Variants in TLK1 observed in about 807,000 individuals in gnomAD.
TLK1 encodes the protein serine/threonine-protein kinase tousled-like 1.
A neutral mutation model predicts 105.3 loss-of-function variants in TLK1; 24 were observed. The ratio of observed to expected loss-of-function variants is 0.23; its 90% CI spans 0.17 to 0.32. The LOEUF is 0.32. Among genes scored for constraint, TLK1 ranks in the 10% least tolerant of loss-of-function variants. TLK1 has a pLI of 1.00. For missense variants in TLK1, 558 were observed against 910.5 expected, an observed-to-expected ratio of 0.61 and a Z score of 4.98; for synonymous variants, 321 against 310.4, an observed-to-expected ratio of 1.03 and a Z score of -0.36.
At chr2:171,020,239 C>T (rs1685426202) in intron 12 of TLK1, among the ~76,000 whole-genome samples, 1 of 151,422 alleles carries the variant, frequency 6.6e-6, no homozygotes, top group Admixed American at 6.6e-5. Flanking sequence ...CAACAAAAGG[C>T]ACTATTAAAA....
At chr2:171,044,521 G>A (rs1321849520) in intron 11 of TLK1, among the ~76,000 whole-genome samples, 1 of 152,182 alleles carries the variant, frequency 6.6e-6, no homozygotes, top group Non-Finnish European at 1.5e-5. Flanking sequence ...AACTAAGCAG[G>A]ATGTGATATT....
At chr2:171,200,288 A>G (rs1575656534) in intron 1 of TLK1, among the ~76,000 whole-genome samples, 1 of 151,488 alleles carries the variant, frequency 6.6e-6, no homozygotes, top group African/African-American at 2.4e-5. Flanking sequence ...TGTTTTTTCT[A>G]CCCCCCCATC....
At chr2:171,180,221 T>TA (rs908785841) in intron 1 of TLK1, among the ~76,000 whole-genome samples, 171 of 145,226 alleles carry the variant, frequency 1.2e-3, no homozygotes, top group African/African-American at 3.4e-3. Context: ...AGACTTTGTC[T>TA]AAAAAAAAAA....
chr2:170,993,693 A>T lies in TLK1; in HGVS notation c.*87T>A. ...TAAAAAAAAAAAAAAAAAAAAAAGA[A>T]AAAGAAAACAAACACTCAAATGCTC... On this transcript the variant is annotated 3_prime_UTR_variant, in exon 21 of 21. Transcript: ENST00000431350. 6.6e-6 allele frequency: 7 copies of T among 1,057,326 alleles called. No homozygotes were observed. The highest frequency in any genetic ancestry group is 8.9e-6 in the Non-Finnish European group (7 of 785,560). The allele number at this position is 1,057,326 out of a possible 1,614,324, so 65.5% of individuals were successfully genotyped here. A position where few individuals can be genotyped will look rare whatever the true frequency, so the allele number is the denominator to read the frequency against.
chr2:170,993,892 T>C lies in TLK1; in HGVS notation c.2189A>G (p.Asn730Ser), dbSNP rs1045318. 3 of 1,612,682 alleles carry C rather than the reference T, an allele frequency of 1.9e-6. No homozygotes were observed. Among genetic ancestry groups the C allele is most frequent in the South Asian group, 1.1e-5 (1 of 90,812 alleles). ...EDRFDVHQLA[N>S]DPYLLPHMRR... is the part of the protein sequence containing the mutation. The stretch of plus-strand genomic sequence containing the variant: ...CATGTGTGGGAGAAGGTATGGGTCA[T>C]TTGCCAGCTGGTGCACATCAAATCG... The change falls in exon 21 of 21, where the codon AAT (asparagine) becomes AGT (serine). Residue 730 changes from asparagine to serine, a missense_variant. Coordinates refer to ENST00000431350, the MANE Select transcript of TLK1 (RefSeq NM_012290.5).
In TLK1 at chr2:171,203,512, T is replaced by C. The variant is rs749497423; in HGVS notation, c.-6+27633A>G. On this transcript the variant is annotated intron_variant, in intron 1 of 20. Transcript: ENST00000521943. ...TCAGATTCATCCGCATTGTAGAATATGTCAAAATTTCCTTCCTTTTTAAGG... is the reference window on the plus strand; with the variant it reads ...TCAGATTCATCCGCATTGTAGAATACGTCAAAATTTCCTTCCTTTTTAAGG... Among the ~76,000 whole-genome samples the C allele has an allele frequency of 3.7e-4, 56 of 152,252 alleles. 1 individual carries two copies. Among genetic ancestry groups the C allele is most frequent in the Non-Finnish European group, 7.3e-5 (5 of 68,042 alleles).
chr2:171,227,504 C>G (rs75595991), intron 1 of TLK1, among the ~76,000 whole-genome samples: 3,150 of 142,102 alleles, frequency 0.022, 112 homozygotes, highest in African/African-American at 0.077. Flanking sequence ...TCCAAATAAT[C>G]TGGGAGTCAC....
intron 11 of TLK1, among the ~76,000 whole-genome samples, chr2:171,034,909 C>G (rs1316079493): frequency 6.6e-6 from 1 of 152,032 alleles, no homozygotes; most frequent in African/African-American, 2.4e-5. Flanking sequence ...TTGGCTGTGT[C>G]CCCACCCAAA....
intron 2 of TLK1, among the ~76,000 whole-genome samples, chr2:171,116,436 C>T (rs1017623907): frequency 6.6e-6 from 1 of 152,162 alleles, no homozygotes; most frequent in Non-Finnish European, 1.5e-5. Context: ...CGTGGTGGCT[C>T]ACGCCTGTAA....
intron 1 of TLK1, among the ~76,000 whole-genome samples, chr2:171,158,831 T>C (rs941068879): frequency 3.3e-5 from 5 of 152,212 alleles, no homozygotes; most frequent in Non-Finnish European, 5.9e-5. Context: ...ATTTAATAAA[T>C]AAACTTCTAT....
At position 171,020,843 on chromosome 2, in the gene TLK1, G is replaced by C. The variant is rs747601956; in HGVS notation, c.1237-5895C>G. Among the ~76,000 whole-genome samples the C allele has an allele frequency of 6.8e-4, 101 of 148,444 alleles. 1 individual carries two copies. The highest frequency in any genetic ancestry group is 9.6e-4 in the Non-Finnish European group (64 of 66,572). Reference sequence around the variant, plus strand: ...ATTGTGTAGATTGGGGAGAAGGGTAGGAGAAGGAGAAAAGATAAAAATCAT... The same window carrying C: ...ATTGTGTAGATTGGGGAGAAGGGTACGAGAAGGAGAAAAGATAAAAATCAT... On this transcript the variant is annotated intron_variant, in intron 12 of 20. Coordinates refer to ENST00000431350, the MANE Select transcript of TLK1 (RefSeq NM_012290.5).
At chr2:171,052,698 A>T (rs1448939880) in intron 8 of TLK1, among the ~76,000 whole-genome samples, 2 of 152,266 alleles carry the variant, frequency 1.3e-5, no homozygotes, top group African/African-American at 4.8e-5. Flanking sequence ...ACAACCATAA[A>T]GAAACACCAA....
At chr2:171,177,545 G>A (rs1440164471) in intron 1 of TLK1, among the ~76,000 whole-genome samples, 2 of 152,154 alleles carry the variant, frequency 1.3e-5, no homozygotes, top group East Asian at 3.8e-4. Flanking sequence ...TGAGAGGAGG[G>A]AAGGGCATGG....
intron 1 of TLK1, among the ~76,000 whole-genome samples, chr2:171,118,397 ATAAC>A (rs1218114173): frequency 1.3e-5 from 2 of 152,222 alleles, no homozygotes; most frequent in South Asian, 2.1e-4. Flanking sequence ...TATATCTTAT[ATAAC>A]TAACTACATT....
chr2:171,056,725 G>A (rs1687521646), intron 5 of TLK1, among the ~76,000 whole-genome samples, 159 bp from the exon 6 acceptor site: 1 of 150,782 alleles, frequency 6.6e-6, no homozygotes, highest in South Asian at 2.1e-4. Context: ...GGTCAGCCAA[G>A]TCCTAAAAGA....
intron 3 of TLK1, among the ~76,000 whole-genome samples, chr2:171,062,765 G>C (rs978458408): frequency 2.6e-5 from 4 of 152,092 alleles, no homozygotes; most frequent in African/African-American, 4.8e-5. Context: ...CTAACTAAAT[G>C]AATCTACTAT....
intron 1 of TLK1, among the ~76,000 whole-genome samples, chr2:171,145,513 C>T (rs1691756876): frequency 6.6e-6 from 1 of 151,688 alleles, no homozygotes; most frequent in Admixed American, 6.6e-5. Flanking sequence ...TCATTTGAAC[C>T]CGGGAAGCGG....
intron 1 of TLK1, among the ~76,000 whole-genome samples, chr2:171,200,584 C>A (rs1357000449): frequency 6.6e-6 from 1 of 152,128 alleles, no homozygotes; most frequent in East Asian, 1.9e-4. Context: ...GATGGTGGTG[C>A]ATGCCTGTAA....
intron 4 of TLK1, chr2:171,059,816 G>A (rs1441072381): frequency 4.1e-6 from 3 of 728,192 alleles, no homozygotes; most frequent in Non-Finnish European, 7.5e-6. Flanking sequence ...TGGATCCCTT[G>A]CATGTGCAGT....
Sources: allele counts gnomAD v4.1 joint callset (sites outside exome capture counted in the v4.1 genomes callset), GRCh38; gene constraint gnomAD v4.1.1; transcripts MANE v1.5; gene names NCBI Gene and HGNC (gene_info 2026-07-23, HGNC 2026-07-21).